The following BOK variants were observed in gnomAD, a reference collection of about 807,000 sequenced individuals.
The protein encoded by BOK is bcl-2-related ovarian killer protein.
In BOK, 20 loss-of-function variants were observed where a neutral mutation model predicts 18.3. That is an observed-to-expected ratio of 1.09 (90% CI 0.77 to 1.59). The LOEUF (loss-of-function observed/expected upper bound fraction) is 1.59, where lower values mean the gene tolerates loss of function less well. Among genes scored for constraint, BOK ranks in the 40% most tolerant of loss-of-function variants. The pLI is 0.00. For synonymous variants in BOK, 173 were observed against 142.4 expected, an observed-to-expected ratio of 1.21 and a Z score of -1.53; for missense variants, 348 against 307.9, an observed-to-expected ratio of 1.13 and a Z score of -0.97.
At chr2:241,568,698 G>T (rs965933840) in intron 3 of BOK, among the ~76,000 whole-genome samples, 1 of 152,174 alleles carries the variant, frequency 6.6e-6, no homozygotes, top group East Asian at 1.9e-4. Context: ...GATTATAGGC[G>T]TGAGCCACTG....
intron 3 of BOK, among the ~76,000 whole-genome samples, chr2:241,568,956 A>AG (rs2066660217): frequency 6.6e-6 from 1 of 152,174 alleles, no homozygotes; most frequent in Non-Finnish European, 1.5e-5. Context: ...AACTCCCTCC[A>AG]GGGACCACTG....
In BOK at chr2:241,567,416, C is replaced by T. The variant is rs368648689; in HGVS notation, c.350-2709C>T. Reference sequence around the variant, plus strand: ...TGCTAGGATTATAGGCATGAGCCACCGCACCCAGCGTGGAATGCACTGTTC... The same window carrying T: ...TGCTAGGATTATAGGCATGAGCCACTGCACCCAGCGTGGAATGCACTGTTC... On this transcript the variant is annotated intron_variant, in intron 3 of 4. Transcript: ENST00000318407. Among the ~76,000 whole-genome samples the T allele has an allele frequency of 3.7e-5, 5 of 134,740 alleles. 2 individuals are homozygous for T. The highest frequency in any genetic ancestry group is 1.2e-4 in the African/African-American group (4 of 34,370). The allele number at this position is 134,740 out of a possible 152,430, so 88.4% of individuals were successfully genotyped here. A position where few individuals can be genotyped will look rare whatever the true frequency, so the allele number is the denominator to read the frequency against.
intron 2 of BOK, among the ~76,000 whole-genome samples, chr2:241,560,900 C>G (rs1025369722): frequency 2.6e-5 from 4 of 152,226 alleles, no homozygotes; most frequent in Non-Finnish European, 5.9e-5. Context: ...TCTGCCCTCA[C>G]GGCTGCTCAG....
intron 3 of BOK, among the ~76,000 whole-genome samples, chr2:241,565,091 G>A (rs917089683): frequency 4.6e-5 from 7 of 152,144 alleles, no homozygotes; most frequent in African/African-American, 9.7e-5. Flanking sequence ...GAATGTGGGC[G>A]GCACCGGCCA....
intron 2 of BOK, among the ~76,000 whole-genome samples, chr2:241,561,097 G>C (rs2066520346): frequency 1.3e-5 from 2 of 152,232 alleles, no homozygotes; most frequent in South Asian, 4.1e-4. Context: ...AGCCTCTCAT[G>C]GGCTCTGCTC....
Position 241,559,849 on chromosome 2 carries a change from G to A in BOK, c.220+146G>A, listed in dbSNP as rs556332608. On this transcript the variant is annotated intron_variant, in intron 2 of 4. Transcript: ENST00000318407. Reference sequence around the variant, plus strand: ...GCGCTCGGGACAGGGCCACCCAGGCGGGTGCTCCCGGATCTGCCCTCTCAG... The same window carrying A: ...GCGCTCGGGACAGGGCCACCCAGGCAGGTGCTCCCGGATCTGCCCTCTCAG... The A allele has an allele frequency of 1.6e-5, 16 of 1,016,722 alleles. No individual in the cohort carries two copies. In the East Asian group the frequency reaches 4.7e-4, roughly 30 times the overall value. The allele number at this position is 1,016,722 out of a possible 1,614,324, so 63.0% of individuals were successfully genotyped here. A position where few individuals can be genotyped will look rare whatever the true frequency, so the allele number is the denominator to read the frequency against.
At position 241,572,578 on chromosome 2, in the gene BOK, C is replaced by A. The variant is rs2066741774; in HGVS notation, c.*156C>A. ...CGTTCCTCCGCAGACCCAGGCCCTC[C>A]GGAAGGGGTGAGTGGGGAGGGGCTT... On this transcript the variant is annotated 3_prime_UTR_variant, in exon 5 of 5. Transcript: ENST00000318407. 4.2e-6 allele frequency: 5 copies of A among 1,202,680 alleles called. No individual in the cohort carries two copies. The highest frequency in any genetic ancestry group is 1.5e-5 in the African/African-American group (1 of 65,462). The allele number at this position is 1,202,680 out of a possible 1,614,324, so 74.5% of individuals were successfully genotyped here.
chr2:241,569,216 C>T (rs1289679480), intron 3 of BOK, among the ~76,000 whole-genome samples: 10 of 152,312 alleles, frequency 6.6e-5, no homozygotes, highest in Admixed American at 1.3e-4. Context: ...CTGCAACCTC[C>T]GCCTCCCCGG....
chr2:241,572,217 A>G (rs2066735215), intron 4 of BOK, 80 bp from the exon 5 acceptor site: 3 of 1,567,248 alleles, frequency 1.9e-6, no homozygotes, highest in African/African-American at 1.4e-5. Context: ...ATTCTGGTGC[A>G]CGGTGCTGGG....
Position 241,567,154 on chromosome 2 carries a change from T to G in BOK, c.350-2971T>G, listed in dbSNP as rs2066628970. On this transcript the variant is annotated intron_variant, in intron 3 of 4. Transcript: ENST00000318407. ...GGAACATAGTATGTTCTTTTTTTTT[T>G]TTTTAATTTTTGCTCTTTTGCCGAG... Among the ~76,000 whole-genome samples, 2 of 131,308 alleles carry G rather than the reference T, an allele frequency of 1.5e-5. 1 individual carries two copies. Among genetic ancestry groups the G allele is most frequent in the Admixed American group, 1.5e-4 (2 of 13,030 alleles). The allele number at this position is 131,308 out of a possible 152,430, so 86.1% of individuals were successfully genotyped here.
intron 2 of BOK, 37 bp downstream of exon 2, chr2:241,559,740 C>T: frequency 2.3e-5 from 29 of 1,284,244 alleles, no homozygotes; most frequent in Non-Finnish European, 2.9e-5. Context: ...GCTGCGCCTC[C>T]TCCCCTGCTG....
At chr2:241,568,226 T>G (rs996450952) in intron 3 of BOK, among the ~76,000 whole-genome samples, 1 of 152,202 alleles carries the variant, frequency 6.6e-6, no homozygotes, top group South Asian at 2.1e-4. Context: ...GTTCACACCA[T>G]TCTCCTGCCT....
Position 241,570,200 on chromosome 2 carries a change from A to T in BOK, c.425A>T (p.Gln142Leu), listed in dbSNP as rs751087737. The T allele has an allele frequency of 1.2e-6, 2 of 1,607,330 alleles. No individual in the cohort carries two copies. The highest frequency in any genetic ancestry group is 2.2e-5 in the South Asian group (2 of 90,416). ...GLAVDCVRQA[Q>L]PAMVHALVDC... is the part of the protein sequence containing the mutation. ...GCCGTGGACTGTGTGAGGCAGGCCC[A>T]GCCTGCCATGGTCCACGCCCTCGTG... is the stretch of plus-strand genomic sequence containing the variant. The change falls in exon 4 of 5, where the codon CAG (glutamine) becomes CTG (leucine). Residue 142 changes from glutamine to leucine, a missense_variant. By Grantham distance (113) the Gln-to-Leu change is moderately radical. Transcript: ENST00000318407.
At chr2:241,566,178 G>C (rs2066608333) in intron 3 of BOK, among the ~76,000 whole-genome samples, 1 of 151,988 alleles carries the variant, frequency 6.6e-6, no homozygotes, top group African/African-American at 2.4e-5. Flanking sequence ...CAGCTACTCG[G>C]GAGGCTGAGA....
At chr2:241,554,060 G>A (rs989393816), upstream of BOK, among the ~76,000 whole-genome samples, 5 of 152,238 alleles carry the variant, frequency 3.3e-5, no homozygotes, top group African/African-American at 4.8e-5. Flanking sequence ...ACAGAGGAAG[G>A]TGCCCTGCTT....
chr2:241,568,543 G>A lies in BOK; in HGVS notation c.350-1582G>A, dbSNP rs190659024. On this transcript the variant is annotated intron_variant, in intron 3 of 4. Transcript: ENST00000318407. Reference sequence around the variant, plus strand: ...AGTGATTGCCCTGCCTCAGCCTCCCGAGTAGCTGGGATTACAGGCGCCCAC... The same window carrying A: ...AGTGATTGCCCTGCCTCAGCCTCCCAAGTAGCTGGGATTACAGGCGCCCAC... Among the ~76,000 whole-genome samples the A allele has an allele frequency of 5.8e-3, 880 of 152,150 alleles. 5 individuals are homozygous for A. The highest frequency in any genetic ancestry group is 0.017 in the Middle Eastern group (5 of 294).
In BOK at chr2:241,570,233, T is replaced by TG. The variant is rs887839953; in HGVS notation, c.463dup (p.Glu155GlyfsTer19). On this transcript the variant is annotated frameshift_variant, in exon 4 of 5. Coordinates refer to ENST00000318407, the MANE Select transcript of BOK (RefSeq NM_032515.5). LOFTEE classifies it high-confidence loss of function. ...ATGGTCCACGCCCTCGTGGACTGCC[T>TG]GGGGGAGTTCGTGCGCAAGACCCTG... 1 of 1,598,486 alleles carries TG rather than the reference T, an allele frequency of 6.3e-7. No individual in the cohort carries two copies.
intron 3 of BOK, among the ~76,000 whole-genome samples, chr2:241,568,887 T>C (rs772597736): frequency 2.6e-5 from 4 of 152,220 alleles, no homozygotes; most frequent in Non-Finnish European, 2.9e-5. Context: ...GGTTGGCCGC[T>C]GTATGAGGGT....
chr2:241,552,403 TCCACGCCGCG>T (rs1408039992), intron 1 of BOK, among the ~76,000 whole-genome samples: 2 of 152,106 alleles, frequency 1.3e-5, no homozygotes, highest in African/African-American at 4.8e-5. Context: ...CTCTGGCCTC[TCCACGCCGCG>T]CCATGCCGGT....
Sources: gnomAD v4.1 joint callset for allele counts (sites outside exome capture counted in the v4.1 genomes callset) on GRCh38, gnomAD v4.1.1 for gene constraint, MANE v1.5 for transcripts, NCBI Gene and HGNC (gene_info 2026-07-23, HGNC 2026-07-21) for gene names.